The following PKD2 variants were observed in gnomAD, a reference collection of about 807,000 sequenced individuals.
PKD2 encodes polycystin-2.
In PKD2, 48 loss-of-function variants were observed where a neutral mutation model predicts 105.9. The ratio of observed to expected loss-of-function variants is 0.45; its 90% CI spans 0.36 to 0.58. The LOEUF (loss-of-function observed/expected upper bound fraction) is 0.58. Ranked by LOEUF, PKD2 falls within the 20% of genes least tolerant of loss-of-function variation. The pLI is 0.00. For missense variants in PKD2, 1,078 were observed against 1,255.3 expected, an observed-to-expected ratio of 0.86 and a Z score of 2.13; for synonymous variants, 464 against 481.1, an observed-to-expected ratio of 0.96 and a Z score of 0.46.
At chr4:88,009,831 C>T (rs955458555) in intron 1 of PKD2, among the ~76,000 whole-genome samples, 1 of 152,120 alleles carries the variant, frequency 6.6e-6, no homozygotes, top group Non-Finnish European at 1.5e-5. Flanking sequence ...AGAGAAGTTC[C>T]TTTTAAGTTA....
intron 13 of PKD2, among the ~76,000 whole-genome samples, chr4:88,070,356 T>G (rs1379322805): frequency 1.3e-5 from 2 of 151,934 alleles, no homozygotes; most frequent in African/African-American, 4.8e-5. Flanking sequence ...TCTGCTTCTT[T>G]CACTTTCTCT....
At chr4:88,032,406 G>C (rs1240601513) in intron 2 of PKD2, among the ~76,000 whole-genome samples, 2 of 152,204 alleles carry the variant, frequency 1.3e-5, no homozygotes, top group Non-Finnish European at 2.9e-5. Context: ...GCTCACACCT[G>C]TAATCTCAGC....
At chr4:88,064,669 A>T (rs975404231) in intron 10 of PKD2, among the ~76,000 whole-genome samples, 1 of 151,888 alleles carries the variant, frequency 6.6e-6, no homozygotes, top group Non-Finnish European at 1.5e-5. Flanking sequence ...AGGCAGGCAG[A>T]TCGCTTGAGC....
At chr4:88,040,810 C>T (rs982412064) in intron 4 of PKD2, among the ~76,000 whole-genome samples, 1 of 152,196 alleles carries the variant, frequency 6.6e-6, no homozygotes, top group African/African-American at 2.4e-5. Flanking sequence ...CTCTTATTCC[C>T]AGGTTCTATA....
At chr4:88,049,178 CTT>C (rs1410556191) in intron 6 of PKD2, among the ~76,000 whole-genome samples, 1 of 152,216 alleles carries the variant, frequency 6.6e-6, no homozygotes, top group Non-Finnish European at 1.5e-5. Context: ...AATTTATTAT[CTT>C]TATTTGTAAA....
chr4:88,055,637 C>A (rs62310571), intron 7 of PKD2, among the ~76,000 whole-genome samples: 2 of 132,778 alleles, frequency 1.5e-5, no homozygotes, highest in Admixed American at 1.4e-4. Flanking sequence ...CTGCACTCAG[C>A]CTTTTTTTTT....
intron 7 of PKD2, among the ~76,000 whole-genome samples, chr4:88,052,772 G>A (rs1372999792): frequency 6.6e-6 from 1 of 152,098 alleles, no homozygotes; most frequent in East Asian, 1.9e-4. Flanking sequence ...TGAAGGAAAA[G>A]GAACTTAGAG....
chr4:88,054,186 G>A (rs888696039), intron 7 of PKD2, among the ~76,000 whole-genome samples: 39 of 151,874 alleles, frequency 2.6e-4, no homozygotes, highest in African/African-American at 9.4e-4. Flanking sequence ...ACCTGACGTC[G>A]GGTTTGAGAC....
rs1720768547 is a variant in PKD2, at chr4:88,065,771, T to C, written c.2250T>C (p.His750=). The C allele has an allele frequency of 1.2e-6, 2 of 1,608,910 alleles. No individual in the cohort carries two copies. Among genetic ancestry groups the C allele is most frequent in the South Asian group, 1.1e-5 (1 of 90,984 alleles). ...CTCTCTCTAATTTCAGGAAGGGCCA[T>C]ACTGATGCAGAGATTGAGGCAATAT... The part of the protein sequence containing the change: ...ELRQDLKGKG[H]TDAEIEAIFT... The change falls in exon 12 of 15, where the codon CAT becomes CAC. Residue 750 remains histidine (H), a synonymous_variant. Coordinates refer to ENST00000237596, the MANE Select transcript of PKD2 (RefSeq NM_000297.4).
intron 2 of PKD2, among the ~76,000 whole-genome samples, chr4:88,033,230 C>A (rs1191605371): frequency 1.3e-5 from 2 of 152,042 alleles, no homozygotes; most frequent in African/African-American, 4.8e-5. Flanking sequence ...AGTTTGAGAC[C>A]AGCCTGGGCA....
chr4:88,050,252 G>A (rs1720014697), intron 6 of PKD2, among the ~76,000 whole-genome samples: 1 of 152,060 alleles, frequency 6.6e-6, no homozygotes, highest in African/African-American at 2.4e-5. Flanking sequence ...GGGATTACAG[G>A]CGTGAACCAC....
chr4:88,021,287 A>G (rs1726738550), intron 2 of PKD2, among the ~76,000 whole-genome samples: 1 of 152,256 alleles, frequency 6.6e-6, no homozygotes, highest in Admixed American at 6.5e-5. Flanking sequence ...CAGAGCCTCC[A>G]TAATGTAGCC....
intron 6 of PKD2, among the ~76,000 whole-genome samples, chr4:88,048,222 C>T (rs931782265): frequency 4.9e-4 from 74 of 152,202 alleles, no homozygotes; most frequent in African/African-American, 1.8e-3. Context: ...AAATGATGCA[C>T]TACCCTATTA....
intron 12 of PKD2, among the ~76,000 whole-genome samples, chr4:88,066,763 C>T (rs117007073): frequency 0.027 from 4,151 of 151,352 alleles, 185 homozygotes; most frequent in East Asian, 0.23. Flanking sequence ...AAAAAAAATT[C>T]AAAGCTTTAC....
chr4:88,054,845 G>A (rs1430244615), intron 7 of PKD2, among the ~76,000 whole-genome samples: 1 of 151,156 alleles, frequency 6.6e-6, no homozygotes, highest in African/African-American at 2.4e-5. Flanking sequence ...TAGTAGAGAC[G>A]GGGTTTCACC....
At chr4:88,043,496 G>A (rs2110112379) in intron 5 of PKD2, 39 bp downstream of exon 5, 1 of 1,394,004 alleles carries the variant, frequency 7.2e-7, no homozygotes, top group East Asian at 2.3e-5. Context: ...ATTTCTGTGT[G>A]GTTGTACATA....
intron 6 of PKD2, among the ~76,000 whole-genome samples, chr4:88,048,804 G>T (rs1236056593): frequency 1.3e-5 from 2 of 152,120 alleles, no homozygotes; most frequent in African/African-American, 4.8e-5. Flanking sequence ...AATGAACAGA[G>T]TTACACAAGA....
In PKD2 at chr4:88,038,239, C is replaced by G. The variant is rs769247342; in HGVS notation, c.844-12C>G. The G allele has an allele frequency of 6.2e-7, 1 of 1,613,836 alleles. No individual in the cohort carries two copies. Reference sequence around the variant, plus strand: ...CTTGGAACTTTTTCAGAGATGTTTCCTTTGCTTTTAGTTCACAGAAGGCTC... The same window carrying G: ...CTTGGAACTTTTTCAGAGATGTTTCGTTTGCTTTTAGTTCACAGAAGGCTC... On this transcript the variant is annotated splice_polypyrimidine_tract_variant and intron_variant, in intron 3 of 14. Coordinates refer to ENST00000237596, the MANE Select transcript of PKD2 (RefSeq NM_000297.4).
In PKD2 at chr4:88,076,468, C is replaced by T. The variant is rs182440735; in HGVS notation, c.*774C>T. The T allele has an allele frequency of 6.6e-6, 1 of 152,182 alleles. No individual in the cohort carries two copies. Among genetic ancestry groups the T allele is most frequent in the Non-Finnish European group, 1.5e-5 (1 of 68,042 alleles). 9.4% of individuals were successfully genotyped at this position (152,182 alleles called of 1,614,324 possible). A position where few individuals can be genotyped will look rare whatever the true frequency, so the allele number is the denominator to read the frequency against. On this transcript the variant is annotated 3_prime_UTR_variant, in exon 15 of 15. Transcript: ENST00000237596. ...CCTAAGTTGTCACTCAGTTTAATTT[C>T]TTTTAATGGTTAGTTTAGCCTAAAG...
Sources: gnomAD v4.1 joint callset for allele counts (sites outside exome capture counted in the v4.1 genomes callset) on GRCh38, gnomAD v4.1.1 for gene constraint, MANE v1.5 for transcripts, NCBI Gene and HGNC (gene_info 2026-07-23, HGNC 2026-07-21) for gene names.